Variants in IRX4 observed in about 807,000 individuals in gnomAD.
The protein encoded by IRX4 is iroquois homeobox 4, also known as iroquois-class homeodomain protein IRX-4.
IRX4 carries 22 observed loss-of-function variants against 32.0 expected under a neutral mutation model. The ratio of observed to expected loss-of-function variants is 0.69; its 90% CI spans 0.49 to 0.98. The LOEUF (loss-of-function observed/expected upper bound fraction) is 0.98. Ranked by LOEUF, IRX4 falls within the 50% of genes least tolerant of loss-of-function variation. The pLI is 0.00. For missense variants in IRX4, 840 were observed against 744.2 expected, an observed-to-expected ratio of 1.13 and a Z score of -1.50; for synonymous variants, 379 against 351.7, an observed-to-expected ratio of 1.08 and a Z score of -0.87.
Position 1,878,278 on chromosome 5 carries a change from G to A in IRX4, c.1251C>T (p.Ala417=), listed in dbSNP as rs1414528664. 1 of 1,599,540 alleles carries A rather than the reference G, an allele frequency of 6.3e-7. No homozygotes were observed. Among genetic ancestry groups the A allele is most frequent in the South Asian group, 1.1e-5 (1 of 88,578 alleles). Residue 417 remains alanine (A), a synonymous_variant, in exon 5 of 5, where the codon GCC becomes GCT. Transcript: ENST00000231357. The part of the protein sequence containing the change: ...SSAPATSPSV[A]LPHSGALDRH... ...TGTCCAGGGCGCCAGAGTGGGGAAGGGCCACAGACGGGGACGTGGCGGGCG... is the reference window on the plus strand; with the variant it reads ...TGTCCAGGGCGCCAGAGTGGGGAAGAGCCACAGACGGGGACGTGGCGGGCG...
upstream of IRX4, among the ~76,000 whole-genome samples, chr5:1,885,300 C>G (rs192323): frequency 6.6e-6 from 1 of 152,240 alleles, no homozygotes; most frequent in Non-Finnish European, 1.5e-5. Flanking sequence ...GCCTCCACTT[C>G]CCAGGGCAGC....
chr5:1,882,622 G>C lies in IRX4; in HGVS notation c.26C>G (p.Pro9Arg), dbSNP rs1270437998. 4.9e-6 allele frequency: 7 copies of C among 1,438,800 alleles called. No individual in the cohort carries two copies. The South Asian group carries it at 8.8e-5, about 18-fold the overall frequency. 89.1% of individuals were successfully genotyped at this position (1,438,800 alleles called of 1,614,324 possible). Residue 9 changes from proline (P) to arginine (R), a missense_variant, in exon 1 of 5, where the codon CCC becomes CGC. Pro to Arg is a moderately radical substitution (Grantham distance 103, BLOSUM62 -2). Around this residue, in one of 3 missense-constraint regions of IRX4, gnomAD observed 241 missense variants for 220.8 expected, o/e 1.09. Transcript: ENST00000231357. MSYPQFGY[P>R]YSSAPQFLMA... is the part of the protein sequence containing the mutation. The stretch of plus-strand genomic sequence containing the variant: ...GCTTACCTGGGGAGCCGAGGAGTAG[G>C]GGTATCCAAACTGCGGGTAGGACAT...
chr5:1,882,926 G>T (rs1287133911), upstream of IRX4, among the ~76,000 whole-genome samples: 1 of 126,742 alleles, frequency 7.9e-6, no homozygotes, highest in African/African-American at 2.8e-5. Context: ...CATATTTTAC[G>T]AAAAAGAAAA....
rs764987230 is a variant in IRX4 at position 1,878,282 on chromosome 5, A to T, written c.1247T>A (p.Val416Glu). ...CAGGGCGCCAGAGTGGGGAAGGGCC[A>T]CAGACGGGGACGTGGCGGGCGCGGA... ...VSSAPATSPS[V>E]ALPHSGALDR... is the part of the protein sequence containing the mutation. The change falls in exon 5 of 5, where the codon GTG becomes GAG. Residue 416 changes from valine to glutamate, a missense_variant. This residue lies in a region of IRX4 where 585 missense variants were observed against 488.0 expected (regional missense o/e 1.20). Transcript: ENST00000231357. 5.6e-6 allele frequency: 9 copies of T among 1,597,228 alleles called. No homozygotes were observed. In the South Asian group the frequency reaches 1.0e-4, roughly 18 times the overall value.
chr5:1,882,243 G>T (rs1735475735), intron 1 of IRX4, among the ~76,000 whole-genome samples, 184 bp from the exon 2 acceptor site: 1 of 149,700 alleles, frequency 6.7e-6, no homozygotes, highest in Non-Finnish European at 1.5e-5. Context: ...CCGCCACGTG[G>T]GGCCCAGCCG....
At position 1,881,619 on chromosome 5, in the gene IRX4, T is replaced by C. The variant is rs260402; in HGVS notation, c.297+189A>G. ...AACGCAGTGGCCACCTGCCGGGTCA[T>C]CTGTCCCAGGGGGTGGGGGTGGGGT... On this transcript the variant is annotated intron_variant, in intron 2 of 4. Transcript: ENST00000231357. Among the ~76,000 whole-genome samples, 100,474 of 147,848 alleles carry C rather than the reference T, an allele frequency of 0.68. 34,928 individuals are homozygous for C. The highest frequency in any genetic ancestry group is 0.84 in the African/African-American group (33,801 of 40,096).
At chr5:1,885,857 A>G (rs1184901965), upstream of IRX4, among the ~76,000 whole-genome samples, 1 of 152,268 alleles carries the variant, frequency 6.6e-6, no homozygotes, top group African/African-American at 2.4e-5. Flanking sequence ...TCAGCATCTC[A>G]GGTATCAGCT....
chr5:1,880,849 AG>A lies in IRX4; in HGVS notation c.298-16del. ...TCAAAGCTGTTCTGTGGGAGCCAAG[AG>A]TCTGGGGTCGCAGTTTCCAGGGAGG... On this transcript the variant is annotated splice_polypyrimidine_tract_variant and intron_variant, in intron 2 of 4. Transcript: ENST00000231357. The A allele has an allele frequency of 6.2e-7, 1 of 1,605,946 alleles. No homozygotes were observed. Among genetic ancestry groups the A allele is most frequent in the Non-Finnish European group, 8.5e-7 (1 of 1,173,226 alleles).
Position 1,878,383 on chromosome 5 carries a change from G to A in IRX4, c.1146C>T (p.Ala382=), listed in dbSNP as rs1445070672. The stretch of plus-strand genomic sequence containing the variant: ...GAAACTCAGTCTGGCTCAGGGAGGT[G>A]GCGGCGGCGGCGGCGGCGGTGGCTG... The part of the protein sequence containing the change: ...AHTATAAAAA[A]TSLSQTEFPS... The change falls in exon 5 of 5, where the codon GCC becomes GCT. Residue 382 remains alanine (A), a synonymous_variant. Transcript: ENST00000231357. 3 of 1,487,296 alleles carry A rather than the reference G, an allele frequency of 2.0e-6. No homozygotes were observed. Among genetic ancestry groups the A allele is most frequent in the East Asian group, 5.2e-5 (2 of 38,518 alleles). 92.1% of individuals were successfully genotyped at this position (1,487,296 alleles called of 1,614,324 possible). A position where few individuals can be genotyped will look rare whatever the true frequency, so the allele number is the denominator to read the frequency against.
At chr5:1,880,026 CT>C in intron 3 of IRX4, 194 bp from the exon 4 acceptor site, 1 of 1,521,462 alleles carries the variant, frequency 6.6e-7, no homozygotes, top group African/African-American at 1.4e-5. Flanking sequence ...CACTTGTCTT[CT>C]GTGGCCAAAG....
At chr5:1,882,091 A>C in intron 1 of IRX4, 32 bp from the exon 2 acceptor site, 1 of 1,539,244 alleles carries the variant, frequency 6.5e-7, no homozygotes, top group Non-Finnish European at 8.7e-7. Flanking sequence ...ACTGGCGGGA[A>C]GCCGGGCTGG....
At position 1,881,841 on chromosome 5, in the gene IRX4, G is replaced by A. The variant is rs2111447348; in HGVS notation, c.264C>T (p.Thr88=). The change falls in exon 2 of 5, where the codon ACC becomes ACT. Residue 88 remains threonine, a synonymous_variant. Coordinates refer to ENST00000231357, the MANE Select transcript of IRX4 (RefSeq NM_016358.3). ...AGAAGGCGGACGCCTCCGAGCCGTA[G>A]GTCACGTAGTTGCCATAGCCCTGCG... ...GGSQGYGNYV[T]YGSEASAFYS... 1.3e-6 allele frequency: 2 copies of A among 1,577,792 alleles called. No homozygotes were observed. Among genetic ancestry groups the A allele is most frequent in the East Asian group, 4.7e-5 (2 of 42,448 alleles).
At position 1,878,403 on chromosome 5, in the gene IRX4, T is replaced by C. The variant is rs1051839459; in HGVS notation, c.1126A>G (p.Thr376Ala). 39 of 1,524,094 alleles carry C rather than the reference T, an allele frequency of 2.6e-5. No individual in the cohort carries two copies. The highest frequency in any genetic ancestry group is 9.8e-5 in the African/African-American group (7 of 71,646). The allele number at this position is 1,524,094 out of a possible 1,614,324, so 94.4% of individuals were successfully genotyped here. Reference protein sequence around the residue: ...PRIWSLAHTATAAAAAATSLS... With the variant: ...PRIWSLAHTAAAAAAAATSLS... ...GAGGTGGCGGCGGCGGCGGCGGCGG[T>C]GGCTGTGTGGGCCAGGGACCAGATG... Residue 376 changes from threonine to alanine, a missense_variant, in exon 5 of 5, where the codon ACC (threonine) becomes GCC (alanine). Thr to Ala is a moderately conservative substitution (Grantham distance 58). Around this residue, in one of 3 missense-constraint regions of IRX4, gnomAD observed 585 missense variants for 488.0 expected, o/e 1.20. Transcript: ENST00000231357.
chr5:1,881,128 G>T (rs1003679251), intron 2 of IRX4: 2 of 452,776 alleles, frequency 4.4e-6, no homozygotes, highest in East Asian at 9.0e-5. Context: ...AAGTTGGAGG[G>T]AAGCCAGAAA....
Position 1,878,755 on chromosome 5 carries a change from A to G in IRX4, c.774T>C (p.Ser258=), listed in dbSNP as rs772910516. The part of the protein sequence containing the change: ...VGKEEKELEL[S]DLDDFDPLEA... ...CCAGCGGGTCGAAGTCGTCCAAGTC[A>G]CTAAGCTCCAGCTCCTTCTCCTCTT... Residue 258 remains serine, a synonymous_variant, in exon 5 of 5, where the codon AGT becomes AGC. Coordinates refer to ENST00000231357, the MANE Select transcript of IRX4 (RefSeq NM_016358.3). The G allele has an allele frequency of 1.9e-6, 3 of 1,613,272 alleles. No homozygotes were observed. The highest frequency in any genetic ancestry group is 3.3e-5 in the Admixed American group (2 of 60,028).
intron 3 of IRX4, 121 bp downstream of exon 3, chr5:1,880,604 G>T (rs1239459235): frequency 1.4e-6 from 1 of 700,932 alleles, no homozygotes; most frequent in East Asian, 2.6e-5. Context: ...CCTGACCTAA[G>T]AGTGTCTCTC....
rs376553058 is a variant in IRX4 at position 1,879,806 on chromosome 5, C to G, written c.434G>C (p.Arg145Pro). The change falls in exon 4 of 5, where the codon CGG becomes CCG. Residue 145 changes from arginine (R) to proline (P), a missense_variant. Arg to Pro is a moderately radical substitution (Grantham distance 103). Transcript: ENST00000231357. ...GGTCTCGCGCGTGGCGTTCTTGCGCCGCGTGCCGCTGTCCATGGTTCCATA... is the reference window on the plus strand; with the variant it reads ...GGTCTCGCGCGTGGCGTTCTTGCGCGGCGTGCCGCTGTCCATGGTTCCATA... ...DRYGTMDSGT[R>P]RKNATRETTS... 2.3e-5 allele frequency: 37 copies of G among 1,613,902 alleles called. No individual in the cohort carries two copies. In the South Asian group the frequency reaches 4.0e-4, roughly 17 times the overall value.
upstream of IRX4, among the ~76,000 whole-genome samples, chr5:1,883,370 G>T (rs1302797379): frequency 2.0e-5 from 3 of 152,220 alleles, no homozygotes; most frequent in Admixed American, 6.5e-5. Flanking sequence ...TCGCGCTGGC[G>T]CGCTCTGCTC....
chr5:1,883,650 C>A, upstream of IRX4, among the ~76,000 whole-genome samples: 1 of 152,262 alleles, frequency 6.6e-6, no homozygotes, highest in Admixed American at 6.5e-5. Context: ...CTTTGCACCT[C>A]TGGGCAGCCG....
Sources: allele counts gnomAD v4.1 joint callset (sites outside exome capture counted in the v4.1 genomes callset), GRCh38; gene constraint gnomAD v4.1.1; regional missense constraint gnomAD v4.1.1; transcripts MANE v1.5; gene names NCBI Gene and HGNC (gene_info 2026-07-23, HGNC 2026-07-21).